SV2B: variants seen among roughly 807,000 people sequenced by gnomAD.
SV2B encodes the protein solute carrier family 22 member B2.
SV2B carries 41 observed loss-of-function variants against 73.9 expected under a neutral mutation model. The observed-to-expected ratio is 0.56, with a 90% CI of 0.43 to 0.72. The LOEUF is 0.72. Among genes scored for constraint, SV2B ranks in the 30% least tolerant of loss-of-function variants. The pLI is 0.00. For synonymous variants in SV2B, 314 were observed against 314.2 expected, an observed-to-expected ratio of 1.00 and a Z score of 0.01; for missense variants, 764 against 857.8, an observed-to-expected ratio of 0.89 and a Z score of 1.37.
At chr15:91,163,551 G>A (rs531114507) in intron 1 of SV2B, among the ~76,000 whole-genome samples, 5 of 152,276 alleles carry the variant, frequency 3.3e-5, no homozygotes, top group Admixed American at 6.5e-5. Flanking sequence ...TGTTGGCTGT[G>A]TAAATGTCTT....
rs2141479468 is a variant in SV2B at position 91,224,683 on chromosome 15, C to A, written c.-391-1190C>A. Among the ~76,000 whole-genome samples, 1 of 152,296 alleles carries A rather than the reference C, an allele frequency of 6.6e-6. No individual in the cohort carries two copies. Among genetic ancestry groups the A allele is most frequent in the South Asian group, 2.1e-4 (1 of 4,828 alleles). Reference sequence around the variant, plus strand: ...GCTGTGACCTTGATCGCGTTACTAACCCACTCGGAGACAGTTTGATTATCT... The same window carrying A: ...GCTGTGACCTTGATCGCGTTACTAAACCACTCGGAGACAGTTTGATTATCT... On this transcript the variant is annotated intron_variant, in intron 1 of 12. Coordinates refer to ENST00000394232, the MANE Select transcript of SV2B (RefSeq NM_001323032.3). The surrounding 1 kb of genome is among the most constrained non-coding windows in gnomAD (Gnocchi z 4.9).
rs556774549 is a variant in SV2B, at chr15:91,288,192, A to G, written c.1709-1329A>G. 2.6e-4 allele frequency among the ~76,000 whole-genome samples: 39 copies of G among 152,300 alleles called. No individual in the cohort carries two copies. In the South Asian group the frequency reaches 7.9e-3, roughly 31 times the overall value. On this transcript the variant is annotated intron_variant, in intron 11 of 12. Transcript: ENST00000394232. This position sits in a 1 kb window ranked among gnomAD's most constrained non-coding sequence, Gnocchi z 5.8. ...ACCGCCTTTCTTCAGGTTTCCCTTC[A>G]ATAGCCCATGTACAGGTGTGTTCTC...
intron 1 of SV2B, among the ~76,000 whole-genome samples, chr15:91,157,900 C>A (rs1236792434): frequency 6.6e-6 from 1 of 152,208 alleles, no homozygotes; most frequent in Non-Finnish European, 1.5e-5. Flanking sequence ...CAGGAGATTT[C>A]TTAGCTCCAC....
intron 1 of SV2B, among the ~76,000 whole-genome samples, chr15:91,168,661 G>GA (rs919199593): frequency 3.5e-4 from 53 of 150,858 alleles, no homozygotes; most frequent in African/African-American, 1.3e-3. Flanking sequence ...TGGGAGAATT[G>GA]AAAAAAAAAT....
In SV2B at chr15:91,294,037, T is replaced by A. The variant is rs185925600; in HGVS notation, c.*1485T>A. Reference sequence around the variant, plus strand: ...GAGGGGACAGTGAGCTACGCACAACTGCCAGCGGAGGTGAACTTGCACCTG... The same window carrying A: ...GAGGGGACAGTGAGCTACGCACAACAGCCAGCGGAGGTGAACTTGCACCTG... On this transcript the variant is annotated 3_prime_UTR_variant, in exon 13 of 13. Coordinates refer to ENST00000394232, the MANE Select transcript of SV2B (RefSeq NM_001323032.3). This position sits in a 1 kb window ranked among gnomAD's most constrained non-coding sequence, Gnocchi z 4.1. The A allele has an allele frequency of 6.6e-6, 1 of 152,340 alleles. No homozygotes were observed. Among genetic ancestry groups the A allele is most frequent in the East Asian group, 1.9e-4 (1 of 5,178 alleles). 9.4% of individuals were successfully genotyped at this position (152,340 alleles called of 1,614,324 possible). A position where few individuals can be genotyped will look rare whatever the true frequency, so the allele number is the denominator to read the frequency against.
At chr15:91,135,627 A>G (rs775637732) in intron 1 of SV2B, among the ~76,000 whole-genome samples, 1 of 152,176 alleles carries the variant, frequency 6.6e-6, no homozygotes, top group Admixed American at 6.5e-5. Flanking sequence ...AATCGAAACC[A>G]TGACGCCATC....
rs1057291913 is a variant in SV2B at position 91,268,309 on chromosome 15, C to T, written c.1209-132C>T. ...TTATTAATATGAGGATTTATATTGT[C>T]AGATTTTCTAATAATGAACCAAATT... On this transcript the variant is annotated intron_variant, in intron 8 of 12. Transcript: ENST00000394232. This position sits in a 1 kb window ranked among gnomAD's most constrained non-coding sequence, Gnocchi z 4.4. 10 of 916,874 alleles carry T rather than the reference C, an allele frequency of 1.1e-5. No homozygotes were observed. The highest frequency in any genetic ancestry group is 1.4e-5 in the Non-Finnish European group (9 of 628,166). 56.8% of individuals were successfully genotyped at this position (916,874 alleles called of 1,614,324 possible).
intron 1 of SV2B, among the ~76,000 whole-genome samples, chr15:91,168,332 A>AGAGAGAGAGAGAGAGAGAGAGAG (rs1567308862): frequency 1.5e-3 from 116 of 78,386 alleles, no homozygotes; most frequent in African/African-American, 4.6e-3. Flanking sequence ...GAGAGAGAGA[A>AGAGAGAGAGAGAGAGAGAGAGAG]AAGAAATTTC....
rs2042235999 is a variant in SV2B, at chr15:91,118,403, A to C, written c.-392+18040A>C. On this transcript the variant is annotated intron_variant, in intron 1 of 12. Transcript: ENST00000394232. This position sits in a 1 kb window ranked among gnomAD's most constrained non-coding sequence, Gnocchi z 4.7. ...GGAGTAGCCCATGCCAGCAAGAAAG[A>C]TGGGTGGTAGTACAGTGCTAAGGGA... 1.3e-5 allele frequency among the ~76,000 whole-genome samples: 2 copies of C among 152,190 alleles called. No individual in the cohort carries two copies. Among genetic ancestry groups the C allele is most frequent in the East Asian group, 1.9e-4 (1 of 5,194 alleles).
intron 2 of SV2B, among the ~76,000 whole-genome samples, chr15:91,246,405 G>A (rs534926370): frequency 6.6e-6 from 1 of 152,118 alleles, no homozygotes; most frequent in Non-Finnish European, 1.5e-5. Context: ...TTTGGTGCCA[G>A]GCATTTTGCT....
rs2141620460 is a variant in SV2B, at chr15:91,253,919, T to G, written c.784+1399T>G. Among the ~76,000 whole-genome samples, 1 of 152,340 alleles carries G rather than the reference T, an allele frequency of 6.6e-6. No individual in the cohort carries two copies. Among genetic ancestry groups the G allele is most frequent in the African/African-American group, 2.4e-5 (1 of 41,570 alleles). ...ATCTAGTACTTGAAAATCCACTGGATTTTATATCAGAAACAGAAAAAATAT... is the reference window on the plus strand; with the variant it reads ...ATCTAGTACTTGAAAATCCACTGGAGTTTATATCAGAAACAGAAAAAATAT... On this transcript the variant is annotated intron_variant, in intron 4 of 12. Transcript: ENST00000394232. The surrounding 1 kb of genome is among the most constrained non-coding windows in gnomAD (Gnocchi z 5.0).
At chr15:91,251,765 T>G in intron 2 of SV2B, 54 bp from the exon 3 acceptor site, 1 of 1,546,634 alleles carries the variant, frequency 6.5e-7, no homozygotes. Context: ...CATTGTATAG[T>G]CTTAATCTTT....
chr15:91,234,942 G>C lies in SV2B; in HGVS notation c.451+8228G>C, dbSNP rs758963455. 6.6e-6 allele frequency among the ~76,000 whole-genome samples: 1 copy of C among 152,182 alleles called. No individual in the cohort carries two copies. Among genetic ancestry groups the C allele is most frequent in the Non-Finnish European group, 1.5e-5 (1 of 68,026 alleles). ...CTGTGGCCCATCAGTCAGAGTAGGA[G>C]CTTATGGTGGTTAGGTGATCAATGG... On this transcript the variant is annotated intron_variant, in intron 2 of 12. Transcript: ENST00000394232. The surrounding 1 kb of genome is among the most constrained non-coding windows in gnomAD (Gnocchi z 5.6).
chr15:91,217,507 A>G (rs1473265467), intron 1 of SV2B, among the ~76,000 whole-genome samples: 1 of 152,214 alleles, frequency 6.6e-6, no homozygotes, highest in Non-Finnish European at 1.5e-5. Flanking sequence ...TGGCACATGT[A>G]TACATATGTA....
chr15:91,216,798 G>A (rs949760839), intron 1 of SV2B, among the ~76,000 whole-genome samples: 2 of 149,726 alleles, frequency 1.3e-5, no homozygotes, highest in Non-Finnish European at 3.0e-5. Context: ...GTAAAGCATA[G>A]CATTAAACCA....
At chr15:91,165,744 C>G (rs1359897494) in intron 1 of SV2B, among the ~76,000 whole-genome samples, 1 of 152,166 alleles carries the variant, frequency 6.6e-6, no homozygotes, top group Non-Finnish European at 1.5e-5. Context: ...CACAGCACTA[C>G]TTCTTCCAAA....
chr15:91,122,172 C>T lies in SV2B; in HGVS notation c.-392+21809C>T, dbSNP rs1318184716. On this transcript the variant is annotated intron_variant, in intron 1 of 12. Coordinates refer to ENST00000394232, the MANE Select transcript of SV2B (RefSeq NM_001323032.3). The surrounding 1 kb of genome is among the most constrained non-coding windows in gnomAD (Gnocchi z 4.3). ...TGCTAAACCATCTCCTCTTTGGACT[C>T]CCACTATCTCAGCTACTAGAAATGT... Among the ~76,000 whole-genome samples, 1 of 152,154 alleles carries T rather than the reference C, an allele frequency of 6.6e-6. No individual in the cohort carries two copies. Among genetic ancestry groups the T allele is most frequent in the East Asian group, 1.9e-4 (1 of 5,200 alleles).
chr15:91,234,701 C>G lies in SV2B; in HGVS notation c.451+7987C>G, dbSNP rs978063562. Among the ~76,000 whole-genome samples, 8 of 152,094 alleles carry G rather than the reference C, an allele frequency of 5.3e-5. No individual in the cohort carries two copies. Among genetic ancestry groups the G allele is most frequent in the African/African-American group, 1.7e-4 (7 of 41,398 alleles). On this transcript the variant is annotated intron_variant, in intron 2 of 12. Transcript: ENST00000394232. This position sits in a 1 kb window ranked among gnomAD's most constrained non-coding sequence, Gnocchi z 5.6. ...TCCCAGACTTGAGCCAGTTTACAGA[C>G]CCAGAAACCCTTGAATGAAAGGGAG...
chr15:91,283,593 A>G lies in SV2B; in HGVS notation c.1508-428A>G, dbSNP rs1029297234. Among the ~76,000 whole-genome samples the G allele has an allele frequency of 7.9e-5, 12 of 151,812 alleles. No homozygotes were observed. Among genetic ancestry groups the G allele is most frequent in the Non-Finnish European group, 1.5e-4 (10 of 67,936 alleles). On this transcript the variant is annotated intron_variant, in intron 10 of 12. Coordinates refer to ENST00000394232, the MANE Select transcript of SV2B (RefSeq NM_001323032.3). This position sits in a 1 kb window ranked among gnomAD's most constrained non-coding sequence, Gnocchi z 4.3. ...TGGGACTACAGGCACACACCACCCC[A>G]CCTAGCTAATTTAAAAGAAAATTTT...
Sources: gnomAD v4.1 joint callset for allele counts (sites outside exome capture counted in the v4.1 genomes callset) on GRCh38, gnomAD v4.1.1 for gene constraint, Gnocchi (gnomAD v3.1) non-coding constraint, MANE v1.5 for transcripts, NCBI Gene and HGNC (gene_info 2026-07-23, HGNC 2026-07-21) for gene names.